Variants in CHPT1 observed in about 807,000 individuals in gnomAD.
The protein encoded by CHPT1 is cholinephosphotransferase 1.
CHPT1 carries 36 observed loss-of-function variants against 47.6 expected under a neutral mutation model. The ratio of observed to expected loss-of-function variants is 0.76; its 90% CI spans 0.58 to 1.00. The LOEUF is 1.00. CHPT1 is among the 50% of genes least tolerant of loss of function. CHPT1 has a pLI of 0.00. For synonymous variants in CHPT1, 194 were observed against 186.3 expected (o/e 1.04, Z -0.33); for missense variants, 458 against 498.1 (o/e 0.92, Z 0.77).
intron 5 of CHPT1, among the ~76,000 whole-genome samples, chr12:101,721,537 C>T (rs918003541): frequency 2.0e-5 from 3 of 152,106 alleles, no homozygotes; most frequent in African/African-American, 4.8e-5. Flanking sequence ...TTTATGAATA[C>T]ACTTTATATA....
chr12:101,706,346 T>C (rs558143448), intron 1 of CHPT1, among the ~76,000 whole-genome samples: 22 of 139,874 alleles, frequency 1.6e-4, no homozygotes, highest in African/African-American at 5.1e-4. Context: ...TGAGACTCTG[T>C]CTCAAGAAAA....
At chr12:101,701,405 T>C (rs1951552971) in intron 1 of CHPT1, among the ~76,000 whole-genome samples, 1 of 152,250 alleles carries the variant, frequency 6.6e-6, no homozygotes, top group African/African-American at 2.4e-5. Flanking sequence ...ACTGGATTTT[T>C]ACTGTGTATC....
At position 101,704,748 on chromosome 12, in the gene CHPT1, C is replaced by T. The variant is rs376592281; in HGVS notation, c.273+6614C>T. On this transcript the variant is annotated intron_variant, in intron 1 of 8. Transcript: ENST00000229266. ...TTTTTTCAAAATATATTAAAATAAACATAAACATTCAATTGAAAAGTTTAC... is the reference window on the plus strand; with the variant it reads ...TTTTTTCAAAATATATTAAAATAAATATAAACATTCAATTGAAAAGTTTAC... Among the ~76,000 whole-genome samples the T allele has an allele frequency of 3.6e-5, 4 of 112,106 alleles. No individual in the cohort carries two copies. In the East Asian group the frequency reaches 9.3e-4, roughly 26 times the overall value. 73.5% of individuals were successfully genotyped at this position (112,106 alleles called of 152,430 possible). A position where few individuals can be genotyped will look rare whatever the true frequency, so the allele number is the denominator to read the frequency against.
intron 5 of CHPT1, among the ~76,000 whole-genome samples, chr12:101,721,728 G>T (rs1367279417): frequency 6.6e-6 from 1 of 152,160 alleles, no homozygotes; most frequent in African/African-American, 2.4e-5. Context: ...AAGTTCCATT[G>T]AAGAAAACAA....
chr12:101,697,893 C>T lies in CHPT1; in HGVS notation c.32C>T (p.Pro11Leu), dbSNP rs751187599. Residue 11 changes from proline (P) to leucine (L), a missense_variant, in exon 1 of 9, where the codon CCG (proline) becomes CTG (leucine). Transcript: ENST00000229266. MAAGAGAGSA[P>L]RWLRALSEPL... Reference sequence around the variant, plus strand: ...GCAGGCGCCGGGGCCGGGTCCGCGCCGCGCTGGCTGAGGGCGCTGAGCGAG... The same window carrying T: ...GCAGGCGCCGGGGCCGGGTCCGCGCTGCGCTGGCTGAGGGCGCTGAGCGAG... 1.6e-6 allele frequency: 2 copies of T among 1,258,420 alleles called. No individual in the cohort carries two copies. Among genetic ancestry groups the T allele is most frequent in the East Asian group, 3.2e-5 (1 of 31,136 alleles). 78.0% of individuals were successfully genotyped at this position (1,258,420 alleles called of 1,614,324 possible).
At chr12:101,708,336 G>GT (rs1379248064) in intron 1 of CHPT1, among the ~76,000 whole-genome samples, 5 of 150,482 alleles carry the variant, frequency 3.3e-5, no homozygotes, top group Admixed American at 6.6e-5. Context: ...TTAATCAGTG[G>GT]GTTTTTTTTT....
intron 1 of CHPT1, among the ~76,000 whole-genome samples, chr12:101,702,644 CT>C (rs77256621): frequency 0.026 from 3,908 of 151,446 alleles, 95 homozygotes; most frequent in East Asian, 0.12. Context: ...CCTACTCAGA[CT>C]TTTTTTTATA....
At chr12:101,724,873 G>A (rs1015029666) in intron 7 of CHPT1, among the ~76,000 whole-genome samples, 1 of 152,258 alleles carries the variant, frequency 6.6e-6, no homozygotes, top group South Asian at 2.1e-4. Context: ...TTGGATAAAT[G>A]GAGCATTATT....
In CHPT1 at chr12:101,697,924, G is replaced by T. The variant is rs749250020; in HGVS notation, c.63G>T (p.Leu21=). The T allele has an allele frequency of 6.8e-7, 1 of 1,466,196 alleles. No homozygotes were observed. The highest frequency in any genetic ancestry group is 9.0e-7 in the Non-Finnish European group (1 of 1,113,308). 90.8% of individuals were successfully genotyped at this position (1,466,196 alleles called of 1,614,324 possible). The change falls in exon 1 of 9, where the codon CTG becomes CTT. Residue 21 remains leucine, a synonymous_variant. Transcript: ENST00000229266. ...PRWLRALSEP[L]SAAQLRRLEE... Reference sequence around the variant, plus strand: ...GGCTGAGGGCGCTGAGCGAGCCGCTGAGCGCGGCGCAGCTGCGGCGACTGG... The same window carrying T: ...GGCTGAGGGCGCTGAGCGAGCCGCTTAGCGCGGCGCAGCTGCGGCGACTGG...
In CHPT1 at chr12:101,723,781, T is replaced by C; in HGVS notation, c.999T>C (p.Gly333=). The change falls in exon 7 of 9, where the codon GGT becomes GGC. Residue 333 remains glycine, a synonymous_variant. Transcript: ENST00000229266. The part of the protein sequence containing the change: ...YLQDTVFLGP[G]LLFLDQYFNN... ...AAGACACTGTCTTTTTGGGGCCAGG[T>C]CTTTTGTTTTTAGACCAGTACTTTA... 6.3e-7 allele frequency: 1 copy of C among 1,586,074 alleles called. No individual in the cohort carries two copies. Among genetic ancestry groups the C allele is most frequent in the Non-Finnish European group, 8.6e-7 (1 of 1,157,948 alleles).
chr12:101,708,153 T>A (rs1185523890), intron 1 of CHPT1, among the ~76,000 whole-genome samples: 2 of 152,186 alleles, frequency 1.3e-5, no homozygotes, highest in African/African-American at 4.8e-5. Flanking sequence ...ATACGATAGT[T>A]ACAGTGTTGT....
In CHPT1 at chr12:101,723,846, TG is replaced by T; in HGVS notation, c.1065+1del. ...GAATATGTTGTTCTATGGATGGCAA[TG>T]GTAAGTATTTTTCTCCATTTTATTT... ...IDEYVVLWMA[M>X]VISSFDMVIY... On this transcript the variant is annotated frameshift_variant and splice_region_variant, in exon 7 of 9. Transcript: ENST00000229266. LOFTEE classifies it high-confidence loss of function. 1 of 1,506,088 alleles carries T rather than the reference TG, an allele frequency of 6.6e-7. No homozygotes were observed. Among genetic ancestry groups the T allele is most frequent in the African/African-American group, 1.4e-5 (1 of 71,030 alleles). 93.3% of individuals were successfully genotyped at this position (1,506,088 alleles called of 1,614,324 possible).
chr12:101,723,084 C>T, intron 5 of CHPT1, 84 bp from the exon 6 acceptor site: 1 of 1,286,536 alleles, frequency 7.8e-7, no homozygotes, highest in Non-Finnish European at 1.1e-6. Context: ...AGGCCTCTTG[C>T]ACAAAATAGA....
intron 1 of CHPT1, among the ~76,000 whole-genome samples, chr12:101,702,682 A>G (rs1012564683): frequency 1.3e-5 from 2 of 151,884 alleles, no homozygotes; most frequent in African/African-American, 4.8e-5. Context: ...GATCTAGTAT[A>G]TTTCCTTTTT....
chr12:101,726,712 T>A, intron 8 of CHPT1: 1 of 380,212 alleles, frequency 2.6e-6, no homozygotes, highest in Non-Finnish European at 4.7e-6. Flanking sequence ...GCAGTTTGTC[T>A]CTGAGACTTA....
chr12:101,697,983 T>G lies in CHPT1; in HGVS notation c.122T>G (p.Leu41Arg). Residue 41 changes from leucine (L) to arginine (R), a missense_variant, in exon 1 of 9, where the codon CTG becomes CGG. Transcript: ENST00000229266. ...CGCTACAGCGCGGCGGGCGTCTCGC[T>G]GCTCGAGCCGCCGCTGCAGCTCTAC... is the stretch of plus-strand genomic sequence containing the variant. ...EHRYSAAGVS[L>R]LEPPLQLYWT... The G allele has an allele frequency of 6.6e-7, 1 of 1,524,438 alleles. No homozygotes were observed. The highest frequency in any genetic ancestry group is 1.2e-5 in the South Asian group (1 of 81,992). The allele number at this position is 1,524,438 out of a possible 1,614,324, so 94.4% of individuals were successfully genotyped here.
intron 1 of CHPT1, among the ~76,000 whole-genome samples, chr12:101,709,388 C>CAAA (rs544323245): frequency 1.4e-4 from 10 of 71,414 alleles, no homozygotes; most frequent in South Asian, 4.8e-4. Flanking sequence ...AGACCTGTGT[C>CAAA]AAAAAAAAAA....
intron 1 of CHPT1, among the ~76,000 whole-genome samples, chr12:101,702,774 G>A (rs955084649): frequency 6.6e-6 from 1 of 151,886 alleles, no homozygotes; most frequent in South Asian, 2.1e-4. Context: ...CTCTTGTAAG[G>A]GCGTGACCTC....
At chr12:101,718,362 G>A (rs1370509613) in intron 4 of CHPT1, among the ~76,000 whole-genome samples, 1 of 152,036 alleles carries the variant, frequency 6.6e-6, no homozygotes, top group African/African-American at 2.4e-5. Flanking sequence ...AGGGAGGGGT[G>A]GCTATATACT....
Sources: gnomAD v4.1 joint callset for allele counts (sites outside exome capture counted in the v4.1 genomes callset) on GRCh38, gnomAD v4.1.1 for gene constraint, MANE v1.5 for transcripts, NCBI Gene and HGNC (gene_info 2026-07-23, HGNC 2026-07-21) for gene names.